The following SNX10 variants were observed in gnomAD, a reference collection of about 807,000 sequenced individuals.
SNX10 encodes the protein sorting nexin-10.
In SNX10, 25 loss-of-function variants were observed where a neutral mutation model predicts 28.5. That is an observed-to-expected ratio of 0.88 (90% CI 0.64 to 1.22). The LOEUF (loss-of-function observed/expected upper bound fraction) is 1.22. Ranked by LOEUF, SNX10 falls within the 50% of genes most tolerant of loss-of-function variation. SNX10 has a pLI of 0.00. For synonymous variants in SNX10, 62 were observed against 81.4 expected, an observed-to-expected ratio of 0.76 and a Z score of 1.28; for missense variants, 223 against 242.6, an observed-to-expected ratio of 0.92 and a Z score of 0.54.
chr7:26,308,638 G>T (rs1786691711), intron 1 of SNX10, among the ~76,000 whole-genome samples: 1 of 152,138 alleles, frequency 6.6e-6, no homozygotes, highest in African/African-American at 2.4e-5. Flanking sequence ...GTCTCCATCT[G>T]TGTCCTTTGT....
At chr7:26,358,302 T>C (rs1158964900) in intron 2 of SNX10, among the ~76,000 whole-genome samples, 3 of 152,198 alleles carry the variant, frequency 2.0e-5, no homozygotes, top group Non-Finnish European at 4.4e-5. Flanking sequence ...CTGGGCAGAA[T>C]CTGCTTTATC....
At chr7:26,300,682 T>G (rs74366480) in intron 1 of SNX10, among the ~76,000 whole-genome samples, 3,360 of 152,188 alleles carry the variant, frequency 0.022, 106 homozygotes, top group East Asian at 0.083. Flanking sequence ...TATTGCTTAA[T>G]TCAGAAGGGT....
intron 1 of SNX10, among the ~76,000 whole-genome samples, chr7:26,345,293 G>A (rs1788337365): frequency 6.6e-6 from 1 of 152,164 alleles, no homozygotes; most frequent in Non-Finnish European, 1.5e-5. Context: ...ACGATCTCTG[G>A]ACCATAGGGC....
chr7:26,294,509 T>C (rs1479585398), intron 1 of SNX10, among the ~76,000 whole-genome samples: 1 of 152,190 alleles, frequency 6.6e-6, no homozygotes, highest in Non-Finnish European at 1.5e-5. Context: ...TATCGAGCAC[T>C]TAATTATGGG....
intron 1 of SNX10, among the ~76,000 whole-genome samples, chr7:26,295,144 A>T (rs1786061276): frequency 6.6e-6 from 1 of 152,198 alleles, no homozygotes; most frequent in Admixed American, 6.5e-5. Flanking sequence ...GCTAGGCCTC[A>T]GTGATCTTGC....
chr7:26,365,226 A>T, intron 5 of SNX10, 81 bp downstream of exon 5: 5 of 818,736 alleles, frequency 6.1e-6, no homozygotes, highest in Non-Finnish European at 8.4e-6. Flanking sequence ...TGTGGGGAAG[A>T]GTGTTCCTGT....
At chr7:26,321,775 GT>G (rs111382162) in intron 1 of SNX10, among the ~76,000 whole-genome samples, 41 of 147,436 alleles carry the variant, frequency 2.8e-4, no homozygotes, top group African/African-American at 6.7e-4. Context: ...CACTTTACCA[GT>G]TTTTTTTTTT....
intron 2 of SNX10, among the ~76,000 whole-genome samples, chr7:26,350,553 A>T (rs988289515): frequency 1.3e-5 from 2 of 152,180 alleles, no homozygotes; most frequent in Non-Finnish European, 2.9e-5. Flanking sequence ...ACAAATAAAT[A>T]ATATTAGCTA....
intron 1 of SNX10, among the ~76,000 whole-genome samples, chr7:26,301,350 G>A (rs17153429): frequency 0.28 from 43,055 of 152,032 alleles, 7,132 homozygotes; most frequent in South Asian, 0.43. Context: ...TATGTGGTCC[G>A]AATCCCTTAG....
rs13247860 is a variant in SNX10, at chr7:26,310,450, A to G, written c.-24+18364A>G. Among the ~76,000 whole-genome samples the G allele has an allele frequency of 5.6e-3, 855 of 152,334 alleles. 4 individuals carry two copies. Among genetic ancestry groups the G allele is most frequent in the Non-Finnish European group, 8.7e-3 (590 of 68,032 alleles). On this transcript the variant is annotated intron_variant, in intron 1 of 6. Coordinates refer to ENST00000338523, the MANE Select transcript of SNX10 (RefSeq NM_013322.3). Reference sequence around the variant, plus strand: ...AAGAAAATAGATTAATAGATAAATAATAAATTAATATAGACTGCGACAAAG... The same window carrying G: ...AAGAAAATAGATTAATAGATAAATAGTAAATTAATATAGACTGCGACAAAG...
chr7:26,362,001 A>G (rs1195243170), intron 3 of SNX10, among the ~76,000 whole-genome samples: 1 of 152,242 alleles, frequency 6.6e-6, no homozygotes, highest in Non-Finnish European at 1.5e-5. Flanking sequence ...TTTAGCCATT[A>G]TTTAATCTTC....
intron 1 of SNX10, among the ~76,000 whole-genome samples, chr7:26,295,991 C>T (rs888659870): frequency 5.3e-5 from 8 of 152,122 alleles, no homozygotes; most frequent in Non-Finnish European, 8.8e-5. Flanking sequence ...TTCCCTGGGC[C>T]GGGTGTGGTG....
At chr7:26,349,267 C>G (rs779837421) in intron 2 of SNX10, among the ~76,000 whole-genome samples, 12 of 152,056 alleles carry the variant, frequency 7.9e-5, no homozygotes, top group Non-Finnish European at 1.5e-4. Context: ...TTACCATCCT[C>G]GTAACAAGAT....
In SNX10 at chr7:26,292,511, T is replaced by C. The variant is rs1055451238; in HGVS notation, c.-24+425T>C. 2.6e-5 allele frequency among the ~76,000 whole-genome samples: 4 copies of C among 151,966 alleles called. No homozygotes were observed. The South Asian group carries it at 8.3e-4, about 32-fold the overall frequency. On this transcript the variant is annotated intron_variant, in intron 1 of 6. Coordinates refer to ENST00000338523, the MANE Select transcript of SNX10 (RefSeq NM_013322.3). ...TAACGGGTAGCCTTGAGTTGAGGAA[T>C]TGGGAGGGGTAGGCAGGTTTATTCG...
intron 1 of SNX10, among the ~76,000 whole-genome samples, chr7:26,331,923 G>C (rs1340618289): frequency 6.6e-6 from 1 of 152,184 alleles, no homozygotes; most frequent in African/African-American, 2.4e-5. Context: ...TATCCAAGTT[G>C]TAACATGTAT....
intron 1 of SNX10, among the ~76,000 whole-genome samples, chr7:26,317,393 A>T (rs1787133736): frequency 6.6e-6 from 1 of 152,190 alleles, no homozygotes; most frequent in South Asian, 2.1e-4. Flanking sequence ...TTACCTCTCT[A>T]AGCCTTAGTA....
chr7:26,351,145 T>G (rs887330609), intron 2 of SNX10, among the ~76,000 whole-genome samples: 1 of 152,244 alleles, frequency 6.6e-6, no homozygotes, highest in Non-Finnish European at 1.5e-5. Context: ...CTCAGTGTTC[T>G]AACACATTTC....
At chr7:26,305,122 A>G (rs1786533884) in intron 1 of SNX10, among the ~76,000 whole-genome samples, 1 of 152,092 alleles carries the variant, frequency 6.6e-6, no homozygotes, top group South Asian at 2.1e-4. Flanking sequence ...AGTTGAGTGG[A>G]CTTCACTGGA....
rs1316186833 is a variant in SNX10 at position 26,346,573 on chromosome 7, T to C, written c.24+107T>C. On this transcript the variant is annotated intron_variant, in intron 2 of 6. Transcript: ENST00000338523. Reference sequence around the variant, plus strand: ...CCATGGGTTGCTTGAGGAGGTTTCATGAAAGACCAAAGGCCCACCCTCCTG... The same window carrying C: ...CCATGGGTTGCTTGAGGAGGTTTCACGAAAGACCAAAGGCCCACCCTCCTG... 4 of 863,362 alleles carry C rather than the reference T, an allele frequency of 4.6e-6. No homozygotes were observed. In the African/African-American group the frequency reaches 5.0e-5, roughly 11 times the overall value. 53.5% of individuals were successfully genotyped at this position (863,362 alleles called of 1,614,324 possible).
Sources: allele counts gnomAD v4.1 joint callset (sites outside exome capture counted in the v4.1 genomes callset), GRCh38; gene constraint gnomAD v4.1.1; transcripts MANE v1.5; gene names NCBI Gene and HGNC (gene_info 2026-07-23, HGNC 2026-07-21).